STK3: variants seen among roughly 807,000 people sequenced by gnomAD.
STK3 encodes serine/threonine kinase 3.
Under a neutral mutation model 58.0 loss-of-function variants are expected in STK3, and 41 were observed. That is an observed-to-expected ratio of 0.71 (90% CI 0.55 to 0.92). The LOEUF (loss-of-function observed/expected upper bound fraction) is 0.92. STK3 is among the 40% of genes least tolerant of loss of function. STK3 has a pLI of 0.00. For synonymous variants in STK3, 170 were observed against 191.0 expected, an observed-to-expected ratio of 0.89 and a Z score of 0.91; for missense variants, 479 against 602.7, an observed-to-expected ratio of 0.79 and a Z score of 2.15.
At chr8:98,572,856 AT>A (rs1268735104) in intron 8 of STK3, among the ~76,000 whole-genome samples, 3 of 152,188 alleles carry the variant, frequency 2.0e-5, no homozygotes, top group African/African-American at 7.2e-5. Flanking sequence ...TTTTCTTATA[AT>A]TTCAGTAAAA....
At chr8:98,518,220 T>C (rs1825083812) in intron 10 of STK3, among the ~76,000 whole-genome samples, 1 of 152,034 alleles carries the variant, frequency 6.6e-6, no homozygotes, top group Admixed American at 6.6e-5. Context: ...ACAGGCCTGC[T>C]CACTTAAATT....
At chr8:98,491,336 A>G (rs1425511993) in intron 10 of STK3, among the ~76,000 whole-genome samples, 1 of 152,218 alleles carries the variant, frequency 6.6e-6, no homozygotes, top group Non-Finnish European at 1.5e-5. Flanking sequence ...TTGTCTATAT[A>G]GATTTAAATT....
chr8:98,427,712 G>A (rs1372828490), intron 3 of STK3: 33 of 279,662 alleles, frequency 1.2e-4, no homozygotes, highest in Non-Finnish European at 2.1e-4. Flanking sequence ...GACCCCGCAC[G>A]CGCAAAGCGC....
intron 3 of STK3, among the ~76,000 whole-genome samples, chr8:98,843,632 C>T (rs903816697): frequency 6.6e-6 from 1 of 152,190 alleles, no homozygotes; most frequent in Admixed American, 6.5e-5. Context: ...TTGTCATTGG[C>T]TCAAACTGTC....
chr8:98,478,508 G>C (rs768774775), intron 10 of STK3, among the ~76,000 whole-genome samples: 14 of 152,168 alleles, frequency 9.2e-5, no homozygotes, highest in Non-Finnish European at 1.9e-4. Flanking sequence ...TTCTCACTGA[G>C]GAAGCTGGCA....
chr8:98,845,093 C>T (rs913610988), intron 3 of STK3, among the ~76,000 whole-genome samples: 1 of 152,108 alleles, frequency 6.6e-6, no homozygotes, highest in Admixed American at 6.5e-5. Flanking sequence ...GTTTTTGCCT[C>T]GATTCTATGG....
At chr8:98,422,506 A>G (rs903680603) in intron 3 of STK3, among the ~76,000 whole-genome samples, 6 of 152,114 alleles carry the variant, frequency 3.9e-5, no homozygotes, top group Non-Finnish European at 8.8e-5. Context: ...ATCAACATCA[A>G]AACGGCTCAA....
intron 9 of STK3, among the ~76,000 whole-genome samples, chr8:98,537,131 AT>A (rs1809829947): frequency 6.6e-6 from 1 of 152,238 alleles, no homozygotes; most frequent in Non-Finnish European, 1.5e-5. Flanking sequence ...TTTTTGGATG[AT>A]TTAATAACAA....
chr8:98,540,520 A>C (rs1294670863), intron 9 of STK3, among the ~76,000 whole-genome samples: 1 of 152,158 alleles, frequency 6.6e-6, no homozygotes, highest in Non-Finnish European at 1.5e-5. Context: ...TGTTATTTGC[A>C]ATTCTGATGG....
intron 4 of STK3, among the ~76,000 whole-genome samples, chr8:98,729,588 C>G (rs1303346009): frequency 1.3e-5 from 2 of 152,242 alleles, no homozygotes; most frequent in Non-Finnish European, 1.5e-5. Context: ...CCAAATACAT[C>G]TGGTAGATGA....
chr8:98,908,704 G>A (rs565026794), intron 1 of STK3, among the ~76,000 whole-genome samples: 4 of 150,788 alleles, frequency 2.7e-5, no homozygotes, highest in Admixed American at 6.6e-5. Context: ...TTAGCCAGGC[G>A]TGGTGGCAGG....
intron 6 of STK3, among the ~76,000 whole-genome samples, chr8:98,673,829 T>G (rs1823003306): frequency 6.6e-6 from 1 of 152,290 alleles, no homozygotes; most frequent in East Asian, 1.9e-4. Flanking sequence ...AAAAAAATAC[T>G]TAGAACAATA....
In STK3 at chr8:98,584,228, C is replaced by A. The variant is rs572972723; in HGVS notation, c.823-4439G>T. Among the ~76,000 whole-genome samples, 6 of 152,132 alleles carry A rather than the reference C, an allele frequency of 3.9e-5. No homozygotes were observed. In the East Asian group the frequency reaches 1.2e-3, roughly 30 times the overall value. ...TTGTCATCTAGCATTAGGTATATCT[C>A]CTAATGCTATCCCTCCCCCTTCCCC... On this transcript the variant is annotated intron_variant, in intron 7 of 10. Transcript: ENST00000419617.
At chr8:98,592,632 C>T (rs1815415787) in intron 7 of STK3, among the ~76,000 whole-genome samples, 2 of 152,060 alleles carry the variant, frequency 1.3e-5, no homozygotes, top group Non-Finnish European at 2.9e-5. Context: ...CTCTAGGACA[C>T]TGTCTTTGTC....
downstream of STK3, among the ~76,000 whole-genome samples, chr8:98,367,614 CG>C (rs1452440418): frequency 6.6e-6 from 1 of 152,190 alleles, no homozygotes; most frequent in Admixed American, 6.5e-5. Flanking sequence ...GGGGCTGGAG[CG>C]GGGTTTCTTC....
At chr8:98,631,660 G>GT (rs112982323) in intron 6 of STK3, among the ~76,000 whole-genome samples, 38,459 of 151,480 alleles carry the variant, frequency 0.25, 4,917 homozygotes, top group East Asian at 0.32. Context: ...TATAGTTTTC[G>GT]TTTTTTTGTG....
intron 6 of STK3, among the ~76,000 whole-genome samples, chr8:98,671,836 G>A (rs1822854150): frequency 6.6e-6 from 1 of 152,160 alleles, no homozygotes; most frequent in Non-Finnish European, 1.5e-5. Flanking sequence ...ATAATCCTCA[G>A]GTATCAAGGG....
At chr8:98,798,294 T>A (rs1180427325) in intron 1 of STK3, among the ~76,000 whole-genome samples, 1 of 152,234 alleles carries the variant, frequency 6.6e-6, no homozygotes, top group East Asian at 1.9e-4. Flanking sequence ...TATTTCTATA[T>A]TTCTATGTCA....
chr8:98,349,335 T>C, the STK3 span, among the ~76,000 whole-genome samples: 24 of 152,350 alleles, frequency 1.6e-4, no homozygotes, highest in South Asian at 4.3e-3. Context: ...GTAATGCCGA[T>C]GCAAGAGGTG....
Sources: allele counts gnomAD v4.1 joint callset (sites outside exome capture counted in the v4.1 genomes callset), GRCh38; gene constraint gnomAD v4.1.1; transcripts MANE v1.5; gene names NCBI Gene and HGNC (gene_info 2026-07-23, HGNC 2026-07-21).